The following ELMOD3 variants were observed in gnomAD, a reference collection of about 807,000 sequenced individuals.
The protein encoded by ELMOD3 is ELMO domain-containing protein 3.
Under a neutral mutation model 47.4 loss-of-function variants are expected in ELMOD3, and 36 were observed. The observed-to-expected ratio is 0.76, with a 90% confidence interval of 0.58 to 1.00. The LOEUF (loss-of-function observed/expected upper bound fraction) is 1.00, where lower values mean the gene tolerates loss of function less well. Ranked by LOEUF, ELMOD3 falls within the 50% of genes least tolerant of loss-of-function variation. The probability of loss-of-function intolerance (pLI) is 0.00; values close to 1 mark genes in which losing one functional copy is unlikely to be tolerated. For missense variants in ELMOD3, 404 were observed against 463.8 expected (o/e 0.87, Z 1.18); for synonymous variants, 149 against 183.5 (o/e 0.81, Z 1.52).
At chr2:85,371,231 A>G (rs1684767517) in intron 9 of ELMOD3, 22 bp downstream of exon 9, 1 of 1,614,214 alleles carries the variant, frequency 6.2e-7, no homozygotes. Flanking sequence ...GCGAGCCCAC[A>G]GGGCAGTTGC....
At chr2:85,381,698 C>T (rs76919182) in intron 11 of ELMOD3, among the ~76,000 whole-genome samples, 3,614 of 152,280 alleles carry the variant, frequency 0.024, 151 homozygotes, top group African/African-American at 0.082. Flanking sequence ...CCACCTCTTC[C>T]GCAATAGTCC....
chr2:85,358,005 G>C (rs908275040), intron 4 of ELMOD3, among the ~76,000 whole-genome samples: 2 of 152,146 alleles, frequency 1.3e-5, no homozygotes, highest in Admixed American at 6.6e-5. Context: ...AGAGCCTGGA[G>C]GCAGTGGCTC....
Position 85,371,538 on chromosome 2 carries a change from C to T in ELMOD3, c.583C>T (p.His195Tyr), listed in dbSNP as rs1277648399. 6.2e-7 allele frequency: 1 copy of T among 1,614,194 alleles called. No individual in the cohort carries two copies. The highest frequency in any genetic ancestry group is 2.2e-5 in the East Asian group (1 of 44,888). The change falls in exon 10 of 14, where the codon CAC (histidine) becomes TAC (tyrosine). Residue 195 changes from histidine (H) to tyrosine (Y), a missense_variant. Physicochemically the swap from His to Tyr is moderately conservative, Grantham distance 83. Coordinates refer to ENST00000409013, the MANE Select transcript of ELMOD3 (RefSeq NM_001135022.2). ...GTTTGACTGTGCCCTTCATGGAAAC[C>T]ACTGGGAGGACCTGGGCTTTCAGGG... Reference protein sequence around the residue: ...SKFDCALHGNHWEDLGFQGAN... With the variant: ...SKFDCALHGNYWEDLGFQGAN...
chr2:85,358,585 T>A (rs1461881272), intron 4 of ELMOD3, among the ~76,000 whole-genome samples: 9 of 152,148 alleles, frequency 5.9e-5, no homozygotes, highest in African/African-American at 2.2e-4. Context: ...CATGAGCTCC[T>A]TTACCAGGGA....
At chr2:85,388,255 T>C (rs1038985531) in intron 11 of ELMOD3, among the ~76,000 whole-genome samples, 1 of 152,126 alleles carries the variant, frequency 6.6e-6, no homozygotes, top group Non-Finnish European at 1.5e-5. Context: ...TCCCAAAGTG[T>C]TGGATTGTGA....
chr2:85,391,003 G>T lies in ELMOD3; in HGVS notation c.*41G>T. The T allele has an allele frequency of 6.5e-7, 1 of 1,527,254 alleles. No individual in the cohort carries two copies. Among genetic ancestry groups the T allele is most frequent in the Non-Finnish European group, 8.9e-7 (1 of 1,129,744 alleles). The allele number at this position is 1,527,254 out of a possible 1,614,324, so 94.6% of individuals were successfully genotyped here. A position where few individuals can be genotyped will look rare whatever the true frequency, so the allele number is the denominator to read the frequency against. On this transcript the variant is annotated 3_prime_UTR_variant, in exon 14 of 14. Coordinates refer to ENST00000409013, the MANE Select transcript of ELMOD3 (RefSeq NM_001135022.2). Reference sequence around the variant, plus strand: ...GAGGCTTAAAGGCTGAGCTGCAGGGGCTTTCAGGGGGTCAGTGGAGCCATG... The same window carrying T: ...GAGGCTTAAAGGCTGAGCTGCAGGGTCTTTCAGGGGGTCAGTGGAGCCATG...
At chr2:85,379,687 G>T (rs1685417380) in intron 11 of ELMOD3, among the ~76,000 whole-genome samples, 2 of 152,114 alleles carry the variant, frequency 1.3e-5, no homozygotes, top group Admixed American at 1.3e-4. Flanking sequence ...ATCATGGTAG[G>T]ACCGATTTGC....
Position 85,386,918 on chromosome 2 carries a change from G to A in ELMOD3, c.739-2833G>A, listed in dbSNP as rs544579699. Among the ~76,000 whole-genome samples the A allele has an allele frequency of 9.9e-5, 15 of 152,212 alleles. 1 individual carries two copies. The South Asian group carries it at 1.9e-3, about 19-fold the overall frequency. ...CTCGGGAGGCTAAGGCAGGAGAATC[G>A]CTTGAACCTGGGAGGCAGAGGTTGT... On this transcript the variant is annotated intron_variant, in intron 11 of 13. Coordinates refer to ENST00000409013, the MANE Select transcript of ELMOD3 (RefSeq NM_001135022.2).
intron 4 of ELMOD3, among the ~76,000 whole-genome samples, chr2:85,359,584 C>CA (rs778387935): frequency 1.4e-4 from 21 of 150,930 alleles, no homozygotes; most frequent in East Asian, 9.7e-4. Flanking sequence ...GCTAAAAATA[C>CA]AAAAAAAATA....
intron 6 of ELMOD3, among the ~76,000 whole-genome samples, chr2:85,366,761 G>A (rs978651989): frequency 8.5e-5 from 13 of 152,176 alleles, no homozygotes; most frequent in Admixed American, 5.2e-4. Context: ...TTAGTGTCTG[G>A]TAGCATTTCA....
chr2:85,378,135 A>G (rs1047241555), intron 11 of ELMOD3, among the ~76,000 whole-genome samples: 34 of 152,370 alleles, frequency 2.2e-4, no homozygotes, highest in Admixed American at 5.9e-4. Flanking sequence ...AGCTAAGAAC[A>G]TAAAGTACAG....
intron 11 of ELMOD3, among the ~76,000 whole-genome samples, chr2:85,386,214 A>T (rs2104723660): frequency 6.6e-6 from 1 of 152,266 alleles, no homozygotes; most frequent in East Asian, 1.9e-4. Flanking sequence ...ATGAAATTGT[A>T]AATGGAAGCA....
At chr2:85,357,369 CTT>C (rs1558689230) in intron 4 of ELMOD3, 117 bp downstream of exon 4, 2 of 588,816 alleles carry the variant, frequency 3.4e-6, no homozygotes, top group Non-Finnish European at 5.7e-6. Context: ...TTATAGTTCT[CTT>C]TGTTCTGTAA....
intron 4 of ELMOD3, among the ~76,000 whole-genome samples, chr2:85,361,733 T>A (rs1192484249): frequency 1.3e-5 from 2 of 151,782 alleles, no homozygotes. Flanking sequence ...ATCGAGACCA[T>A]CCTGGCTAAC....
In ELMOD3 at chr2:85,371,213, A is replaced by T; in HGVS notation, c.484+4A>T. ...TTGGTCCTGACCATTGCTCAGTGTG[A>T]GTGCAATGCGAGCCCACAGGGCAGT... On this transcript the variant is annotated splice_donor_region_variant and intron_variant, in intron 9 of 13. Transcript: ENST00000409013. The T allele has an allele frequency of 6.2e-7, 1 of 1,614,244 alleles. No homozygotes were observed. The highest frequency in any genetic ancestry group is 8.5e-7 in the Non-Finnish European group (1 of 1,180,046).
intron 11 of ELMOD3, 135 bp from the exon 12 acceptor site, chr2:85,389,616 A>T (rs1465975291): frequency 9.0e-6 from 6 of 670,278 alleles, no homozygotes. Context: ...TTATTAGGAA[A>T]ATTAAGTGGA....
chr2:85,387,545 C>T (rs538557709), intron 11 of ELMOD3, among the ~76,000 whole-genome samples: 1 of 151,764 alleles, frequency 6.6e-6, no homozygotes, highest in South Asian at 2.1e-4. Context: ...GCCTATAGTC[C>T]CAGCTATTTG....
intron 8 of ELMOD3, among the ~76,000 whole-genome samples, chr2:85,370,419 TAA>T (rs569181155): frequency 1.2e-4 from 15 of 121,314 alleles, no homozygotes; most frequent in African/African-American, 1.2e-4. Context: ...CCTGTCTCCG[TAA>T]AAAAAAAAAA....
At chr2:85,381,409 A>T (rs968583660) in intron 11 of ELMOD3, among the ~76,000 whole-genome samples, 2 of 152,262 alleles carry the variant, frequency 1.3e-5, no homozygotes, top group African/African-American at 2.4e-5. Context: ...ATAAGCCCTA[A>T]TAAAAACAGC....
Sources: allele counts gnomAD v4.1 joint callset (sites outside exome capture counted in the v4.1 genomes callset), GRCh38; gene constraint gnomAD v4.1.1; transcripts MANE v1.5; gene names NCBI Gene and HGNC (gene_info 2026-07-23, HGNC 2026-07-21).